TMEM132D: variants seen among roughly 807,000 people sequenced by gnomAD.
The protein encoded by TMEM132D is mature OL transmembrane protein.
TMEM132D carries 21 observed loss-of-function variants against 62.3 expected under a neutral mutation model. The observed-to-expected ratio is 0.34, with a 90% CI of 0.24 to 0.49. TMEM132D has a LOEUF of 0.49. TMEM132D is among the 20% of genes least tolerant of loss of function. The pLI is 0.99. For missense variants in TMEM132D, 1,346 were observed against 1,402.8 expected (o/e 0.96, Z 0.65); for synonymous variants, 621 against 575.6 (o/e 1.08, Z -1.13).
rs564214764 is a variant in TMEM132D, at chr12:129,369,289, A to T, written c.1116-31472T>A. Among the ~76,000 whole-genome samples the T allele has an allele frequency of 2.0e-5, 3 of 152,260 alleles. No homozygotes were observed. In the East Asian group the frequency reaches 5.8e-4, roughly 29 times the overall value. On this transcript the variant is annotated intron_variant, in intron 3 of 8. Coordinates refer to ENST00000422113, the MANE Select transcript of TMEM132D (RefSeq NM_133448.3). ...TCTTCCACGACAGAAGGTGACAAAGAGCTCACTGCCCACCTCCCTAATCGA... is the reference window on the plus strand; with the variant it reads ...TCTTCCACGACAGAAGGTGACAAAGTGCTCACTGCCCACCTCCCTAATCGA...
chr12:129,219,359 T>C (rs1184745210), intron 4 of TMEM132D, among the ~76,000 whole-genome samples: 1 of 152,148 alleles, frequency 6.6e-6, no homozygotes, highest in Non-Finnish European at 1.5e-5. Context: ...GAACTGTGAG[T>C]CCATTAGGCA....
At chr12:129,858,906 G>T (rs1184672628) in intron 1 of TMEM132D, among the ~76,000 whole-genome samples, 1 of 131,140 alleles carries the variant, frequency 7.6e-6, no homozygotes, top group Non-Finnish European at 1.7e-5. Flanking sequence ...GAGTCCGGGG[G>T]ATGGGATGGC....
At chr12:129,238,531 T>C (rs1879846848) in intron 4 of TMEM132D, among the ~76,000 whole-genome samples, 1 of 152,232 alleles carries the variant, frequency 6.6e-6, no homozygotes, top group African/African-American at 2.4e-5. Flanking sequence ...TTTTTGTTTC[T>C]ATAAATTTGC....
chr12:129,764,203 A>G (rs1870476063), intron 1 of TMEM132D, among the ~76,000 whole-genome samples: 1 of 152,230 alleles, frequency 6.6e-6, no homozygotes, highest in Non-Finnish European at 1.5e-5. Context: ...TAATGTCATC[A>G]TATTAATTTT....
At chr12:129,669,059 C>G (rs1880442352) in intron 2 of TMEM132D, among the ~76,000 whole-genome samples, 1 of 152,192 alleles carries the variant, frequency 6.6e-6, no homozygotes, top group African/African-American at 2.4e-5. Context: ...AAACCCATGG[C>G]TGGGCTCGGC....
At chr12:129,737,093 G>A (rs1869451162) in intron 1 of TMEM132D, among the ~76,000 whole-genome samples, 2 of 152,166 alleles carry the variant, frequency 1.3e-5, no homozygotes, top group African/African-American at 4.8e-5. Context: ...TGGGATTACA[G>A]GCATGAGCCA....
At chr12:129,377,458 G>A (rs777852106) in intron 3 of TMEM132D, among the ~76,000 whole-genome samples, 1 of 152,000 alleles carries the variant, frequency 6.6e-6, no homozygotes, top group Non-Finnish European at 1.5e-5. Context: ...AGCATTCCAG[G>A]CTTTGAAAAA....
intron 2 of TMEM132D, among the ~76,000 whole-genome samples, chr12:129,572,661 C>A (rs1176197555): frequency 6.6e-6 from 1 of 152,090 alleles, no homozygotes; most frequent in Non-Finnish European, 1.5e-5. Context: ...GTTGGTCAGG[C>A]TGGTCTTGAA....
At chr12:129,560,423 C>T (rs1189703860) in intron 2 of TMEM132D, among the ~76,000 whole-genome samples, 2 of 151,382 alleles carry the variant, frequency 1.3e-5, no homozygotes. Flanking sequence ...TGCACCACTA[C>T]CACCCAGCTA....
chr12:129,427,399 C>A (rs746116011), intron 3 of TMEM132D, among the ~76,000 whole-genome samples: 2 of 133,940 alleles, frequency 1.5e-5, no homozygotes, highest in Non-Finnish European at 3.2e-5. Flanking sequence ...CACACCGGGG[C>A]CTGTTGTGGG....
At chr12:129,102,767 C>T (rs1875356174) in intron 5 of TMEM132D, among the ~76,000 whole-genome samples, 1 of 152,308 alleles carries the variant, frequency 6.6e-6, no homozygotes, top group African/African-American at 2.4e-5. Flanking sequence ...AAAATATTCT[C>T]GACCCTGAAC....
In TMEM132D at chr12:129,466,781, C is replaced by A. The variant is rs191112130; in HGVS notation, c.1115+64278G>T. ...TGTTCTCATGTATTATTTCCTTAGGCTTGAATGCTCTTTCCATCCTTCCCC... is the reference window on the plus strand; with the variant it reads ...TGTTCTCATGTATTATTTCCTTAGGATTGAATGCTCTTTCCATCCTTCCCC... On this transcript the variant is annotated intron_variant, in intron 3 of 8. Coordinates refer to ENST00000422113, the MANE Select transcript of TMEM132D (RefSeq NM_133448.3). 3.9e-3 allele frequency among the ~76,000 whole-genome samples: 601 copies of A among 152,282 alleles called. 3 individuals carry two copies. Among genetic ancestry groups the A allele is most frequent in the African/African-American group, 0.014 (562 of 41,550 alleles).
At chr12:129,342,408 G>T (rs7296310) in intron 3 of TMEM132D, among the ~76,000 whole-genome samples, 21,609 of 146,322 alleles carry the variant, frequency 0.15, 1,852 homozygotes, top group Non-Finnish European at 0.18. Context: ...TCCTTACACT[G>T]TATACAAAAA....
chr12:129,782,051 T>C (rs1593159634), intron 1 of TMEM132D, among the ~76,000 whole-genome samples: 2 of 152,140 alleles, frequency 1.3e-5, no homozygotes, highest in South Asian at 2.1e-4. Context: ...TGATCCCCAA[T>C]GTAAGAATAG....
Position 129,867,811 on chromosome 12 carries a change from C to T in TMEM132D, c.79+35450G>A, listed in dbSNP as rs1874104020. On this transcript the variant is annotated intron_variant, in intron 1 of 8. Coordinates refer to ENST00000422113, the MANE Select transcript of TMEM132D (RefSeq NM_133448.3). The surrounding 1 kb of genome is among the most constrained non-coding windows in gnomAD (Gnocchi z 4.5). ...TAAAAGGTATATATTTAAGCCAAAA[C>T]TAACCTAGTGAAAAACAACAGTTGA... Among the ~76,000 whole-genome samples, 1 of 152,190 alleles carries T rather than the reference C, an allele frequency of 6.6e-6. No homozygotes were observed. The highest frequency in any genetic ancestry group is 2.4e-5 in the African/African-American group (1 of 41,440).
chr12:129,851,877 G>A (rs1343327292), intron 1 of TMEM132D, among the ~76,000 whole-genome samples: 3 of 152,158 alleles, frequency 2.0e-5, no homozygotes, highest in African/African-American at 7.2e-5. Context: ...ATAAAACTTT[G>A]TGTTTGCCCA....
At chr12:129,522,452 C>T (rs1248800018) in intron 3 of TMEM132D, 1 of 151,956 alleles carries the variant, frequency 6.6e-6, no homozygotes, top group Admixed American at 6.6e-5. Flanking sequence ...GGACTTCAAG[C>T]CACAGATCAT....
At chr12:129,812,213 T>C (rs1872207324) in intron 1 of TMEM132D, among the ~76,000 whole-genome samples, 1 of 151,574 alleles carries the variant, frequency 6.6e-6, no homozygotes, top group African/African-American at 2.4e-5. Flanking sequence ...AGTCCCAACC[T>C]TTCTCCCTCT....
At chr12:129,166,702 CACACACACACATAT>C (rs1385108653) in intron 5 of TMEM132D, among the ~76,000 whole-genome samples, 6 of 141,630 alleles carry the variant, frequency 4.2e-5, no homozygotes, top group Admixed American at 7.5e-5. Context: ...CACACACACA[CACACACACACATAT>C]ACACACACAC....
Sources: allele counts gnomAD v4.1 joint callset (sites outside exome capture counted in the v4.1 genomes callset), GRCh38; gene constraint gnomAD v4.1.1; non-coding constraint Gnocchi (gnomAD v3.1); transcripts MANE v1.5; gene names NCBI Gene and HGNC (gene_info 2026-07-23, HGNC 2026-07-21).